IQCM: variants seen among roughly 807,000 people sequenced by gnomAD.
The protein encoded by IQCM is IQ domain-containing protein M.
In IQCM, 45 loss-of-function variants were observed where a neutral mutation model predicts 57.6. The observed-to-expected ratio is 0.78, with a 90% confidence interval of 0.62 to 1.00. The LOEUF (loss-of-function observed/expected upper bound fraction) is 1.00, where lower values mean the gene tolerates loss of function less well. IQCM is among the 50% of genes least tolerant of loss of function. IQCM has a pLI of 0.00. For missense variants in IQCM, 468 were observed against 511.6 expected (o/e 0.91, Z 0.82); for synonymous variants, 148 against 158.9 (o/e 0.93, Z 0.51).
chr4:149,608,852 A>G (rs1330855379), intron 8 of IQCM, among the ~76,000 whole-genome samples: 1 of 151,846 alleles, frequency 6.6e-6, no homozygotes. Context: ...AGAACAAGAA[A>G]AGCAAGAACA....
intron 13 of IQCM, among the ~76,000 whole-genome samples, chr4:149,379,301 TCC>T (rs1285294063): frequency 6.6e-6 from 1 of 152,096 alleles, no homozygotes; most frequent in African/African-American, 2.4e-5. Flanking sequence ...GTTCTCCAGA[TCC>T]CTGAATGGTA....
chr4:149,528,752 G>C (rs903180035), intron 12 of IQCM, among the ~76,000 whole-genome samples: 2 of 152,110 alleles, frequency 1.3e-5, no homozygotes, highest in Non-Finnish European at 2.9e-5. Flanking sequence ...TCTCAGGCTA[G>C]TTTAAATGCT....
intron 12 of IQCM, among the ~76,000 whole-genome samples, chr4:149,526,135 A>G (rs1325711872): frequency 1.3e-5 from 2 of 151,988 alleles, no homozygotes; most frequent in Non-Finnish European, 2.9e-5. Flanking sequence ...ATCAATCAAA[A>G]TTAAAAATAT....
At chr4:149,639,802 A>C (rs1352787683) in intron 7 of IQCM, among the ~76,000 whole-genome samples, 1 of 152,130 alleles carries the variant, frequency 6.6e-6, no homozygotes. Flanking sequence ...AGTGGCATGC[A>C]TCTGTAGTCC....
chr4:149,611,542 G>T (rs1755290375), intron 8 of IQCM, among the ~76,000 whole-genome samples: 1 of 152,078 alleles, frequency 6.6e-6, no homozygotes, highest in Non-Finnish European at 1.5e-5. Context: ...CAACATGAAT[G>T]GAACTGGAGG....
rs367986933 is a variant in IQCM at position 149,359,619 on chromosome 4, T to C, written c.1391-7553A>G. On this transcript the variant is annotated intron_variant, in intron 13 of 13. Transcript: ENST00000636793. ...TAGATAATATGCTGAATACACGATT[T>C]ACAGGCTGGATTTTCAGAAATGGGA... is the stretch of plus-strand genomic sequence containing the variant. 1.3e-4 allele frequency among the ~76,000 whole-genome samples: 20 copies of C among 152,300 alleles called. No individual in the cohort carries two copies. In the East Asian group the frequency reaches 3.9e-3, roughly 29 times the overall value.
At chr4:149,800,658 A>T (rs1003027379) in intron 2 of IQCM, among the ~76,000 whole-genome samples, 3 of 152,020 alleles carry the variant, frequency 2.0e-5, no homozygotes, top group African/African-American at 7.2e-5. Flanking sequence ...GCAGCATATA[A>T]AGTCAACACA....
intron 2 of IQCM, among the ~76,000 whole-genome samples, chr4:149,765,634 G>A (rs532780764): frequency 2.0e-5 from 3 of 152,198 alleles, no homozygotes; most frequent in East Asian, 1.9e-4. Flanking sequence ...GGAGGGGCCT[G>A]AATTCTGCTA....
At chr4:149,699,397 C>T (rs1394596786) in intron 5 of IQCM, among the ~76,000 whole-genome samples, 3 of 151,818 alleles carry the variant, frequency 2.0e-5, no homozygotes, top group Non-Finnish European at 4.4e-5. Flanking sequence ...CAAAATTGCC[C>T]AGAAGAAATG....
intron 12 of IQCM, among the ~76,000 whole-genome samples, chr4:149,514,212 G>A (rs1744711453): frequency 6.6e-6 from 1 of 152,144 alleles, no homozygotes; most frequent in African/African-American, 2.4e-5. Context: ...TAGGGTTAGA[G>A]TCAGGAATTT....
chr4:149,716,039 G>A (rs941935500), intron 5 of IQCM, among the ~76,000 whole-genome samples: 2 of 152,210 alleles, frequency 1.3e-5, no homozygotes, highest in Non-Finnish European at 2.9e-5. Context: ...TGGCAGCCCA[G>A]CCCCAGGCTT....
intron 13 of IQCM, among the ~76,000 whole-genome samples, chr4:149,357,007 A>G (rs1386152310): frequency 6.6e-6 from 1 of 152,158 alleles, no homozygotes; most frequent in African/African-American, 2.4e-5. Flanking sequence ...CTTTGAAGCA[A>G]TTGTGAATGG....
chr4:149,406,177 ATGTATT>A (rs1226316900), intron 13 of IQCM, among the ~76,000 whole-genome samples: 1 of 151,982 alleles, frequency 6.6e-6, no homozygotes, highest in Non-Finnish European at 1.5e-5. Flanking sequence ...GTCAGGCACA[ATGTATT>A]TAATAGTGAG....
At chr4:149,726,106 A>G (rs562644227) in intron 5 of IQCM, among the ~76,000 whole-genome samples, 1 of 146,372 alleles carries the variant, frequency 6.8e-6, no homozygotes, top group African/African-American at 2.5e-5. Flanking sequence ...AAAGAAAGAA[A>G]GAAAGAAAGA....
chr4:149,561,260 C>T lies in IQCM; in HGVS notation c.948+2432G>A, dbSNP rs1301601794. On this transcript the variant is annotated intron_variant, in intron 10 of 13. Transcript: ENST00000636793. ...ATCAATTAAATCACTCCTTTTCACG[C>T]TCATCTTTGGCCCATTCTTTCTCTC... 3.3e-5 allele frequency among the ~76,000 whole-genome samples: 3 copies of T among 90,732 alleles called. No homozygotes were observed. The East Asian group carries it at 1.1e-3, about 32-fold the overall frequency. 59.5% of individuals were successfully genotyped at this position (90,732 alleles called of 152,430 possible). A position where few individuals can be genotyped will look rare whatever the true frequency, so the allele number is the denominator to read the frequency against.
chr4:149,764,204 A>C (rs1473983848), intron 2 of IQCM, among the ~76,000 whole-genome samples: 4 of 152,106 alleles, frequency 2.6e-5, no homozygotes, highest in Non-Finnish European at 5.9e-5. Context: ...TTCACCCCCA[A>C]GCACTGGGAG....
At chr4:149,738,692 A>G (rs1484810247) in intron 3 of IQCM, among the ~76,000 whole-genome samples, 2 of 152,248 alleles carry the variant, frequency 1.3e-5, no homozygotes, top group Admixed American at 6.5e-5. Context: ...GAAAGCAGCA[A>G]TTTCACATAG....
At chr4:149,707,888 G>C (rs539368149) in intron 5 of IQCM, among the ~76,000 whole-genome samples, 8 of 151,944 alleles carry the variant, frequency 5.3e-5, no homozygotes, top group Non-Finnish European at 1.0e-4. Context: ...GCAAATTAGT[G>C]TATTTCATAT....
intron 13 of IQCM, among the ~76,000 whole-genome samples, chr4:149,427,186 G>C (rs757609906): frequency 3.3e-5 from 5 of 151,900 alleles, no homozygotes; most frequent in Non-Finnish European, 7.4e-5. Flanking sequence ...AAACTCTGAT[G>C]TTGCTTTATA....
Sources: allele counts gnomAD v4.1 joint callset (sites outside exome capture counted in the v4.1 genomes callset), GRCh38; gene constraint gnomAD v4.1.1; transcripts MANE v1.5; gene names NCBI Gene and HGNC (gene_info 2026-07-23, HGNC 2026-07-21).